DTNB: variants seen among roughly 807,000 people sequenced by gnomAD.
DTNB encodes the protein dystrobrevin beta.
A neutral mutation model predicts 90.7 loss-of-function variants in DTNB; 63 were observed. The ratio of observed to expected loss-of-function variants is 0.69; its 90% CI spans 0.57 to 0.86. The LOEUF (loss-of-function observed/expected upper bound fraction) is 0.86. Among genes scored for constraint, DTNB ranks in the 40% least tolerant of loss-of-function variants. The pLI, the probability that DTNB is intolerant of heterozygous loss-of-function variation, is 0.00. For synonymous variants in DTNB, 277 were observed against 286.7 expected (o/e 0.97, Z 0.34); for missense variants, 744 against 807.1 (o/e 0.92, Z 0.95).
rs764698155 is a variant in DTNB, at chr2:25,628,203, G to A, written c.330C>T (p.Leu110=). 6.2e-7 allele frequency: 1 copy of A among 1,613,782 alleles called. No individual in the cohort carries two copies. The highest frequency in any genetic ancestry group is 8.5e-7 in the Non-Finnish European group (1 of 1,179,892). ...HQISVEQSIS[L]LLNFMIAAYD... ...ATGCAGCAATCATAAAGTTGAGGAG[G>A]AGGCTGATAGATTGTTCCACACTAA... The change falls in exon 4 of 21, where the codon CTC becomes CTT. Residue 110 remains leucine (L), a synonymous_variant. Transcript: ENST00000406818.
At chr2:25,668,668 A>G (rs750156928) in intron 1 of DTNB, among the ~76,000 whole-genome samples, 12 of 152,164 alleles carry the variant, frequency 7.9e-5, no homozygotes, top group Middle Eastern at 3.4e-3. Context: ...AAGAGTGGGT[A>G]TATGGAAACT....
At chr2:25,484,889 A>T (rs1489078585) in intron 9 of DTNB, among the ~76,000 whole-genome samples, 1 of 152,214 alleles carries the variant, frequency 6.6e-6, no homozygotes, top group Admixed American at 6.5e-5. Context: ...TCAATTAATC[A>T]GTTGTTTTAG....
intron 18 of DTNB, among the ~76,000 whole-genome samples, chr2:25,384,778 T>A (rs569465726): frequency 6.6e-6 from 1 of 152,120 alleles, no homozygotes; most frequent in African/African-American, 2.4e-5. Context: ...GTGATTAGAG[T>A]TGATCATGAA....
At chr2:25,646,471 C>T (rs1450468652) in intron 2 of DTNB, among the ~76,000 whole-genome samples, 2 of 144,298 alleles carry the variant, frequency 1.4e-5, no homozygotes, top group African/African-American at 2.5e-5. Context: ...GACTCCATCT[C>T]AAAAAAAAAA....
At chr2:25,550,386 G>T in intron 8 of DTNB, among the ~76,000 whole-genome samples, 1 of 152,030 alleles carries the variant, frequency 6.6e-6, no homozygotes, top group Non-Finnish European at 1.5e-5. Context: ...GCGAGACTCT[G>T]TCTCAAAAAC....
chr2:25,388,429 C>T (rs1197010886), intron 16 of DTNB, 68 bp from the exon 17 acceptor site: 10 of 1,515,876 alleles, frequency 6.6e-6, no homozygotes, highest in Non-Finnish European at 7.1e-6. Context: ...GAAGAAAGTA[C>T]TTTTTCTCCA....
At chr2:25,396,615 T>G (rs1445071394) in intron 16 of DTNB, among the ~76,000 whole-genome samples, 1 of 151,460 alleles carries the variant, frequency 6.6e-6, no homozygotes, top group Non-Finnish European at 1.5e-5. Flanking sequence ...CAGTGTACAC[T>G]GCTTGGGTGA....
At chr2:25,666,987 C>A (rs1410997970) in intron 1 of DTNB, among the ~76,000 whole-genome samples, 1 of 152,058 alleles carries the variant, frequency 6.6e-6, no homozygotes, top group Non-Finnish European at 1.5e-5. Context: ...GGACCATACT[C>A]TATGAGAGGA....
chr2:25,379,033 C>T (rs1326125154), intron 20 of DTNB, among the ~76,000 whole-genome samples: 2 of 152,172 alleles, frequency 1.3e-5, no homozygotes, highest in Non-Finnish European at 2.9e-5. Flanking sequence ...CAATGCCATC[C>T]CAACACAGAG....
chr2:25,409,394 A>C (rs2046053896), intron 16 of DTNB, among the ~76,000 whole-genome samples: 1 of 152,342 alleles, frequency 6.6e-6, no homozygotes, highest in East Asian at 1.9e-4. Context: ...ACTGATGAGG[A>C]AAATGAGGTT....
chr2:25,552,949 T>C (rs894678662), intron 8 of DTNB, among the ~76,000 whole-genome samples: 2 of 142,358 alleles, frequency 1.4e-5, no homozygotes, highest in South Asian at 4.7e-4. Flanking sequence ...CAAGCTCCGC[T>C]TCCCGGGTTC....
chr2:25,525,482 T>C (rs1190206425), intron 9 of DTNB, among the ~76,000 whole-genome samples: 2 of 151,762 alleles, frequency 1.3e-5, no homozygotes, highest in African/African-American at 4.8e-5. Context: ...ACCAAAAATA[T>C]AAAATTAGCT....
At chr2:25,658,189 G>A (rs1043983150) in intron 1 of DTNB, among the ~76,000 whole-genome samples, 22 of 151,782 alleles carry the variant, frequency 1.4e-4, no homozygotes, top group South Asian at 4.2e-4. Context: ...CCTGGGAGGC[G>A]GAGGTTGCAG....
rs370287747 is a variant in DTNB, at chr2:25,427,524, C to T, written c.1554+11G>A. 224 of 1,613,024 alleles carry T rather than the reference C, an allele frequency of 1.4e-4. No individual in the cohort carries two copies. The highest frequency in any genetic ancestry group is 1.7e-4 in the Non-Finnish European group (206 of 1,179,464). ...AATGACAAGAACTGAGCGTGGGCCA[C>T]GGGCTCTTACCTTCAGCAACTTCAT... On this transcript the variant is annotated intron_variant, in intron 15 of 20. Coordinates refer to ENST00000406818, the MANE Select transcript of DTNB (RefSeq NM_021907.5).
intron 9 of DTNB, among the ~76,000 whole-genome samples, chr2:25,516,981 A>G (rs2075250331): frequency 6.6e-6 from 1 of 152,220 alleles, no homozygotes; most frequent in African/African-American, 2.4e-5. Flanking sequence ...AAATGAAAAC[A>G]TATGTCTACA....
chr2:25,449,919 C>T (rs1050396753), intron 12 of DTNB, among the ~76,000 whole-genome samples: 25 of 152,074 alleles, frequency 1.6e-4, no homozygotes, highest in Admixed American at 8.5e-4. Context: ...CACACTGCCA[C>T]GCCCGGCTAA....
chr2:25,432,939 G>A lies in DTNB; in HGVS notation c.1404C>T (p.Thr468=). Residue 468 remains threonine, a synonymous_variant, in exon 14 of 21, where the codon ACC becomes ACT. Coordinates refer to ENST00000406818, the MANE Select transcript of DTNB (RefSeq NM_021907.5). ...TGGGGTTCTGCTGTGCCTTCTCAGG[G>A]GTGGGCTGGGAGGCCTGCTCGTGTT... is the stretch of plus-strand genomic sequence containing the variant. ...RLEHEQASQP[T]PEKAQQNPTL... 4.3e-6 allele frequency: 7 copies of A among 1,611,208 alleles called. No homozygotes were observed. The highest frequency in any genetic ancestry group is 5.9e-6 in the Non-Finnish European group (7 of 1,179,362).
chr2:25,610,060 T>C (rs1272140666), intron 4 of DTNB, among the ~76,000 whole-genome samples: 4 of 152,350 alleles, frequency 2.6e-5, no homozygotes, highest in African/African-American at 7.2e-5. Flanking sequence ...AAGACTGTCC[T>C]CAGTCTAAGC....
rs2071116246 is a variant in DTNB at position 25,617,577 on chromosome 2, A to T, written c.363-10256T>A. Among the ~76,000 whole-genome samples the T allele has an allele frequency of 4.6e-5, 7 of 152,236 alleles. No homozygotes were observed. The South Asian group carries it at 1.4e-3, about 32-fold the overall frequency. On this transcript the variant is annotated intron_variant, in intron 4 of 20. Coordinates refer to ENST00000406818, the MANE Select transcript of DTNB (RefSeq NM_021907.5). The stretch of plus-strand genomic sequence containing the variant: ...AAATATACACAAAAGTTATAATTGT[A>T]TATTTAAATACAGTTATAGAAACTT...
Sources: gnomAD v4.1 joint callset for allele counts (sites outside exome capture counted in the v4.1 genomes callset) on GRCh38, gnomAD v4.1.1 for gene constraint, MANE v1.5 for transcripts, NCBI Gene and HGNC (gene_info 2026-07-23, HGNC 2026-07-21) for gene names.